FNDC3A: variants seen among roughly 807,000 people sequenced by gnomAD.
The protein encoded by FNDC3A is fibronectin type-III domain-containing protein 3A.
FNDC3A carries 32 observed loss-of-function variants against 148.9 expected under a neutral mutation model. The observed-to-expected ratio is 0.21, with a 90% CI of 0.16 to 0.29. The LOEUF is 0.29. Ranked by LOEUF, FNDC3A falls within the 10% of genes least tolerant of loss-of-function variation. The probability of loss-of-function intolerance (pLI) is 1.00; values close to 1 mark genes in which losing one functional copy is unlikely to be tolerated. For synonymous variants in FNDC3A, 472 were observed against 473.6 expected, an observed-to-expected ratio of 1.00 and a Z score of 0.04; for missense variants, 1,191 against 1,452.8, an observed-to-expected ratio of 0.82 and a Z score of 2.93.
chr13:49,187,609 T>C (rs1258624615), intron 16 of FNDC3A: 12 of 1,593,336 alleles, frequency 7.5e-6, no homozygotes, highest in Non-Finnish European at 1.0e-5. Context: ...CCCAGGGCCC[T>C]CCTCACAGTG....
chr13:48,995,749 G>T (rs1566179880), intron 1 of FNDC3A, among the ~76,000 whole-genome samples: 1 of 151,992 alleles, frequency 6.6e-6, no homozygotes, highest in East Asian at 1.9e-4. Flanking sequence ...ATTAGTTTTG[G>T]CAAAAATATA....
At chr13:49,061,351 T>C (rs1281986190) in intron 2 of FNDC3A, among the ~76,000 whole-genome samples, 4 of 3,502 alleles carry the variant, frequency 1.1e-3, no homozygotes, top group African/African-American at 5.7e-3. Flanking sequence ...TCCCTTCCCT[T>C]CCCTTACCTT....
chr13:49,124,112 C>T (rs2224742), intron 4 of FNDC3A, among the ~76,000 whole-genome samples: 1 of 151,862 alleles, frequency 6.6e-6, no homozygotes, highest in African/African-American at 2.4e-5. Flanking sequence ...CAGTGATAGA[C>T]TGGATAAAGA....
chr13:49,206,214 A>G (rs916120260), intron 25 of FNDC3A, among the ~76,000 whole-genome samples: 3 of 152,216 alleles, frequency 2.0e-5, no homozygotes, highest in Non-Finnish European at 2.9e-5. Context: ...CCTCATAATT[A>G]TCATACATGT....
chr13:49,128,973 T>C (rs1255980881), intron 4 of FNDC3A, among the ~76,000 whole-genome samples: 1 of 152,250 alleles, frequency 6.6e-6, no homozygotes, highest in Non-Finnish European at 1.5e-5. Flanking sequence ...CTCACAACAC[T>C]TCTAATAGCC....
At chr13:49,068,796 C>A (rs926588704) in intron 2 of FNDC3A, among the ~76,000 whole-genome samples, 2 of 152,074 alleles carry the variant, frequency 1.3e-5, no homozygotes, top group African/African-American at 4.8e-5. Context: ...AGCAAACTAA[C>A]GCAGGAACAG....
intron 3 of FNDC3A, among the ~76,000 whole-genome samples, chr13:49,083,696 C>T (rs567565325): frequency 1.3e-5 from 2 of 152,164 alleles, no homozygotes; most frequent in African/African-American, 2.4e-5. Context: ...GCTGGGATTA[C>T]GGTTGCATTC....
chr13:49,103,899 T>C (rs528628457), intron 3 of FNDC3A, among the ~76,000 whole-genome samples: 2 of 152,286 alleles, frequency 1.3e-5, no homozygotes, highest in African/African-American at 2.4e-5. Flanking sequence ...CTGGATGAGA[T>C]ACAGAATGAT....
At position 49,019,182 on chromosome 13, in the gene FNDC3A, C is replaced by T. The variant is rs538874656; in HGVS notation, c.99+12893C>T. On this transcript the variant is annotated intron_variant, in intron 2 of 25. Coordinates refer to ENST00000492622, the MANE Select transcript of FNDC3A (RefSeq NM_001079673.2). The stretch of plus-strand genomic sequence containing the variant: ...TTACCTGAGCAAGCCTGGGCAATGG[C>T]GGGCGCCCCTCCCCCAGCCTCGCTG... Among the ~76,000 whole-genome samples the T allele has an allele frequency of 3.9e-5, 6 of 152,302 alleles. No homozygotes were observed. In the East Asian group the frequency reaches 9.7e-4, roughly 25 times the overall value.
chr13:49,033,898 A>G (rs1279932934), intron 2 of FNDC3A, among the ~76,000 whole-genome samples: 2 of 152,038 alleles, frequency 1.3e-5, no homozygotes, highest in Admixed American at 1.3e-4. Flanking sequence ...ATTTTATTAA[A>G]TCAATAGTTA....
intron 9 of FNDC3A, 25 bp from the exon 10 acceptor site, chr13:49,168,588 A>G (rs1884599506): frequency 7.6e-6 from 12 of 1,580,018 alleles, no homozygotes; most frequent in Non-Finnish European, 1.0e-5. Context: ...TATGAAAGGT[A>G]AAACTATTTA....
At chr13:48,981,292 A>G (rs968783910) in intron 1 of FNDC3A, among the ~76,000 whole-genome samples, 1 of 152,036 alleles carries the variant, frequency 6.6e-6, no homozygotes, top group African/African-American at 2.4e-5. Context: ...ACCACTTATT[A>G]CCTATATGAT....
At chr13:49,158,942 T>A (rs936993921) in intron 8 of FNDC3A, among the ~76,000 whole-genome samples, 1 of 152,232 alleles carries the variant, frequency 6.6e-6, no homozygotes, top group African/African-American at 2.4e-5. Flanking sequence ...ATATGTGGTA[T>A]TATTTCTGAG....
Position 48,979,897 on chromosome 13 carries a change from C to G in FNDC3A, c.-40+3720C>G, listed in dbSNP as rs542907816. Among the ~76,000 whole-genome samples the G allele has an allele frequency of 7.2e-5, 11 of 152,176 alleles. No homozygotes were observed. The South Asian group carries it at 2.3e-3, about 32-fold the overall frequency. The stretch of plus-strand genomic sequence containing the variant: ...GTCTCAAGAGCCAAACAAAAACAAG[C>G]CATCTGTGGACTGGATTTGGCCAGG... On this transcript the variant is annotated intron_variant, in intron 1 of 25. Coordinates refer to ENST00000492622, the MANE Select transcript of FNDC3A (RefSeq NM_001079673.2).
At chr13:49,201,103 T>C (rs1213615245) in intron 23 of FNDC3A, 1 of 265,840 alleles carries the variant, frequency 3.8e-6, no homozygotes, top group Admixed American at 4.6e-5. Context: ...AAGCATTCAT[T>C]ATTCATTCTC....
intron 1 of FNDC3A, among the ~76,000 whole-genome samples, chr13:48,998,595 G>T (rs1374102338): frequency 1.3e-5 from 2 of 152,100 alleles, no homozygotes; most frequent in African/African-American, 2.4e-5. Context: ...AACACTTTTG[G>T]TCCCAAGCAT....
chr13:49,158,419 C>G (rs533088244), intron 8 of FNDC3A, among the ~76,000 whole-genome samples: 2 of 152,336 alleles, frequency 1.3e-5, no homozygotes, highest in Admixed American at 1.3e-4. Flanking sequence ...CGCCCACTGT[C>G]TGGCACTCCC....
At chr13:49,058,136 G>C (rs568933263) in intron 2 of FNDC3A, among the ~76,000 whole-genome samples, 3 of 152,278 alleles carry the variant, frequency 2.0e-5, no homozygotes, top group African/African-American at 7.2e-5. Flanking sequence ...GGGAGCTTCA[G>C]CAAGATTCAC....
At chr13:48,986,596 C>T (rs1458151979) in intron 1 of FNDC3A, among the ~76,000 whole-genome samples, 8 of 151,798 alleles carry the variant, frequency 5.3e-5, no homozygotes. Context: ...CGGGGTTTCA[C>T]CATGTTGGTC....
Sources: allele counts gnomAD v4.1 joint callset (sites outside exome capture counted in the v4.1 genomes callset), GRCh38; gene constraint gnomAD v4.1.1; transcripts MANE v1.5; gene names NCBI Gene and HGNC (gene_info 2026-07-23, HGNC 2026-07-21).